The following FAM13B variants were observed in gnomAD, a reference collection of about 807,000 sequenced individuals.
FAM13B encodes the protein protein FAM13B.
FAM13B carries 60 observed loss-of-function variants against 117.3 expected under a neutral mutation model. The ratio of observed to expected loss-of-function variants is 0.51; its 90% CI spans 0.42 to 0.63. FAM13B has a LOEUF of 0.63. FAM13B is among the 30% of genes least tolerant of loss of function. FAM13B has a pLI of 0.00. For synonymous variants in FAM13B, 332 were observed against 356.1 expected (o/e 0.93, Z 0.76); for missense variants, 972 against 1,091.9 (o/e 0.89, Z 1.55).
At chr5:137,986,339 C>CT (rs1350061520) in intron 9 of FAM13B, among the ~76,000 whole-genome samples, 1 of 148,470 alleles carries the variant, frequency 6.7e-6, no homozygotes, top group Non-Finnish European at 1.5e-5. Flanking sequence ...TAAAAACTGT[C>CT]TTAAAAAAAA....
At chr5:137,967,796 G>A (rs1424210982) in intron 10 of FAM13B, among the ~76,000 whole-genome samples, 1 of 152,078 alleles carries the variant, frequency 6.6e-6, no homozygotes, top group Non-Finnish European at 1.5e-5. Flanking sequence ...GGTAAGGTGA[G>A]GTGGGAGGAT....
intron 10 of FAM13B, among the ~76,000 whole-genome samples, chr5:137,962,705 A>G (rs935867822): frequency 3.9e-5 from 6 of 152,138 alleles, no homozygotes; most frequent in Non-Finnish European, 8.8e-5. Context: ...ATTAGGTAAT[A>G]TGTATCACCA....
chr5:138,006,850 A>T, intron 7 of FAM13B, 140 bp downstream of exon 7: 2 of 771,348 alleles, frequency 2.6e-6, no homozygotes, highest in Non-Finnish European at 3.9e-6. Flanking sequence ...CTGCATCTTT[A>T]AATTTTACTT....
chr5:137,949,130 C>T lies in FAM13B; in HGVS notation c.1985G>A (p.Ser662Asn). Residue 662 changes from serine to asparagine, a missense_variant, in exon 18 of 24, where the codon AGT becomes AAT. By Grantham distance (46) the Ser-to-Asn change is conservative. Transcript: ENST00000689681. ...GCCAAAGCTTTTTGGAAGTGTGTTA[C>T]TACGTGGACGTGTCTGAGGTACAAA... Reference protein sequence around the residue: ...GEFVPQTRPRSNTLPKSFGSS... With the variant: ...GEFVPQTRPRNNTLPKSFGSS... The T allele has an allele frequency of 1.9e-6, 3 of 1,614,140 alleles. No individual in the cohort carries two copies. Among genetic ancestry groups the T allele is most frequent in the Non-Finnish European group, 2.5e-6 (3 of 1,180,032 alleles).
chr5:137,984,344 T>C (rs1459167309), intron 10 of FAM13B, among the ~76,000 whole-genome samples: 1 of 152,240 alleles, frequency 6.6e-6, no homozygotes, highest in African/African-American at 2.4e-5. Flanking sequence ...GAAAGATGAC[T>C]CTAAATCACT....
At chr5:137,994,911 C>T (rs1170481223) in intron 7 of FAM13B, among the ~76,000 whole-genome samples, 1 of 152,178 alleles carries the variant, frequency 6.6e-6, no homozygotes, top group Non-Finnish European at 1.5e-5. Flanking sequence ...TAAGAAACTA[C>T]TATTATTTTA....
At chr5:137,966,478 T>TAGAG (rs1203765238) in intron 10 of FAM13B, among the ~76,000 whole-genome samples, 14 of 64,422 alleles carry the variant, frequency 2.2e-4, no homozygotes, top group Admixed American at 1.2e-3. Flanking sequence ...TATATATATA[T>TAGAG]ATATATATAT....
At chr5:137,985,177 G>A in intron 10 of FAM13B, 80 bp downstream of exon 10, 1 of 1,400,560 alleles carries the variant, frequency 7.1e-7, no homozygotes, top group Non-Finnish European at 9.8e-7. Flanking sequence ...GCAAAATACT[G>A]AACTATAACT....
intron 7 of FAM13B, among the ~76,000 whole-genome samples, chr5:137,998,387 T>C (rs1172725586): frequency 1.6e-4 from 24 of 152,338 alleles, no homozygotes; most frequent in Non-Finnish European, 1.2e-4. Context: ...ATCTTACTCC[T>C]TGAGTACATT....
chr5:137,980,243 A>G (rs1775309692), intron 10 of FAM13B, among the ~76,000 whole-genome samples: 1 of 151,856 alleles, frequency 6.6e-6, no homozygotes, highest in Admixed American at 6.6e-5. Context: ...GTAAACAGGT[A>G]TTATTGTGTA....
chr5:138,031,610 G>C (rs1489319823), intron 1 of FAM13B, among the ~76,000 whole-genome samples: 1 of 151,854 alleles, frequency 6.6e-6, no homozygotes, highest in East Asian at 1.9e-4. Flanking sequence ...GCTTGAATCC[G>C]GGAGGAGGAG....
intron 10 of FAM13B, among the ~76,000 whole-genome samples, chr5:137,967,344 T>G (rs1315634395): frequency 2.0e-5 from 3 of 151,760 alleles, no homozygotes; most frequent in Admixed American, 2.0e-4. Context: ...GCCAAGATGG[T>G]GAAACCCGGT....
At chr5:138,049,430 C>T (rs575866693) in intron 1 of FAM13B, among the ~76,000 whole-genome samples, 16 of 152,160 alleles carry the variant, frequency 1.1e-4, no homozygotes, top group African/African-American at 1.7e-4. Context: ...TGTGCTACCA[C>T]GCCCTACTAA....
rs1767775302 is a variant in FAM13B at position 137,960,229 on chromosome 5, A to G, written c.1245-15T>C. 5 of 1,431,922 alleles carry G rather than the reference A, an allele frequency of 3.5e-6. No individual in the cohort carries two copies. The South Asian group carries it at 4.9e-5, about 14-fold the overall frequency. 88.7% of individuals were successfully genotyped at this position (1,431,922 alleles called of 1,614,324 possible). On this transcript the variant is annotated splice_polypyrimidine_tract_variant and intron_variant, in intron 11 of 23. Coordinates refer to ENST00000689681, the MANE Select transcript of FAM13B (RefSeq NM_001385994.1). Reference sequence around the variant, plus strand: ...AATATTCTTCCCTAAAAATACAAGTAAAGTTGTTAGTATATTAAGAATAAA... The same window carrying G: ...AATATTCTTCCCTAAAAATACAAGTGAAGTTGTTAGTATATTAAGAATAAA...
intron 20 of FAM13B, among the ~76,000 whole-genome samples, chr5:137,945,275 C>T: frequency 6.6e-6 from 1 of 152,106 alleles, no homozygotes; most frequent in East Asian, 1.9e-4. Flanking sequence ...TATTTGAACC[C>T]AAGACCAATC....
At chr5:137,971,431 A>T (rs934613450) in intron 10 of FAM13B, among the ~76,000 whole-genome samples, 205 of 150,634 alleles carry the variant, frequency 1.4e-3, no homozygotes, top group Admixed American at 2.2e-3. Flanking sequence ...AAGACACAAC[A>T]TACCAGAATC....
intron 5 of FAM13B, 129 bp from the exon 6 acceptor site, chr5:138,011,278 T>A (rs1248116524): frequency 6.1e-6 from 5 of 823,986 alleles, no homozygotes; most frequent in African/African-American, 3.6e-5. Flanking sequence ...CATTCTCCCA[T>A]CTGTAAAACC....
intron 4 of FAM13B, among the ~76,000 whole-genome samples, chr5:138,014,580 A>G (rs947664674): frequency 6.6e-6 from 1 of 152,248 alleles, no homozygotes; most frequent in Admixed American, 6.5e-5. Context: ...AAGGTTGGGG[A>G]TTGCTGATCT....
At chr5:137,945,732 T>C (rs1763234952) in intron 20 of FAM13B, among the ~76,000 whole-genome samples, 170 bp downstream of exon 20, 1 of 152,246 alleles carries the variant, frequency 6.6e-6, no homozygotes, top group Non-Finnish European at 1.5e-5. Context: ...GTCTGGGATA[T>C]ACTAGCAGAC....
Sources: allele counts gnomAD v4.1 joint callset (sites outside exome capture counted in the v4.1 genomes callset), GRCh38; gene constraint gnomAD v4.1.1; transcripts MANE v1.5; gene names NCBI Gene and HGNC (gene_info 2026-07-23, HGNC 2026-07-21).